Variants in ASIP observed in about 807,000 individuals in gnomAD.
The protein encoded by ASIP is agouti signaling protein, also known as agouti-signaling protein.
Under a neutral mutation model 10.3 loss-of-function variants are expected in ASIP, and 11 were observed. The ratio of observed to expected loss-of-function variants is 1.07; its 90% CI spans 0.68 to 1.78. The LOEUF (loss-of-function observed/expected upper bound fraction) is 1.78. Among genes scored for constraint, ASIP ranks in the 40% most tolerant of loss-of-function variants. The pLI is 0.00. For missense variants in ASIP, 180 were observed against 169.2 expected (o/e 1.06, Z -0.35); for synonymous variants, 70 against 70.8 (o/e 0.99, Z 0.06).
upstream of ASIP, among the ~76,000 whole-genome samples, chr20:34,193,048 T>C (rs2122526429): frequency 6.6e-6 from 1 of 152,370 alleles, no homozygotes; most frequent in African/African-American, 2.4e-5. Context: ...ATCTTATTCC[T>C]TGTATCTAAC....
chr20:34,259,551 G>A lies in ASIP; in HGVS notation c.-10-814G>A, dbSNP rs950869146. Among the ~76,000 whole-genome samples the A allele has an allele frequency of 4.3e-4, 66 of 151,848 alleles. 1 individual carries two copies. The highest frequency in any genetic ancestry group is 4.1e-4 in the Non-Finnish European group (28 of 67,962). ...AGAGTTAGAAAATATAAAATGCTTAGTCTGGCCAATGTGGTAAAATCCTGT... is the reference window on the plus strand; with the variant it reads ...AGAGTTAGAAAATATAAAATGCTTAATCTGGCCAATGTGGTAAAATCCTGT... On this transcript the variant is annotated intron_variant, in intron 1 of 3. Transcript: ENST00000374954.
At position 34,269,015 on chromosome 20, in the gene ASIP, G is replaced by C; in HGVS notation, c.247G>C (p.Val83Leu). Residue 83 changes from valine to leucine, a missense_variant, in exon 4 of 4, where the codon GTG (valine) becomes CTG (leucine). Val to Leu is a conservative substitution (Grantham distance 32). Coordinates refer to ENST00000374954, the MANE Select transcript of ASIP (RefSeq NM_001672.3). Reference protein sequence around the residue: ...SKKEASMKKVVRPRTPLSAPC... With the variant: ...SKKEASMKKVLRPRTPLSAPC... The stretch of plus-strand genomic sequence containing the variant: ...GAAGGAGGCTTCGATGAAGAAAGTG[G>C]TGCGGCCCCGGACCCCCCTATCTGC... 1 of 1,607,986 alleles carries C rather than the reference G, an allele frequency of 6.2e-7. No homozygotes were observed. The highest frequency in any genetic ancestry group is 1.1e-5 in the South Asian group (1 of 89,978).
chr20:34,253,395 C>T (rs1391108034), intron 1 of ASIP, among the ~76,000 whole-genome samples: 1 of 151,570 alleles, frequency 6.6e-6, no homozygotes, highest in African/African-American at 2.4e-5. Context: ...CGTGAGCCAC[C>T]GCGCCCAGCC....
intron 1 of ASIP, among the ~76,000 whole-genome samples, chr20:34,201,972 G>A (rs1378073964): frequency 6.6e-6 from 1 of 151,674 alleles, no homozygotes; most frequent in Non-Finnish European, 1.5e-5. Flanking sequence ...TCTGAACTTT[G>A]TTCACAGGTT....
intron 1 of ASIP, chr20:34,235,030 C>T (rs2035161003): frequency 6.6e-6 from 1 of 152,138 alleles, no homozygotes; most frequent in African/African-American, 2.4e-5. Context: ...AAGTGATTGA[C>T]CTGGAAATGA....
chr20:34,265,633 A>G (rs998682317), intron 3 of ASIP, among the ~76,000 whole-genome samples: 1 of 151,916 alleles, frequency 6.6e-6, no homozygotes, highest in African/African-American at 2.4e-5. Context: ...ATCACTTACC[A>G]TAAATAGAAG....
chr20:34,257,071 T>TC (rs1555826612), intron 1 of ASIP, among the ~76,000 whole-genome samples: 2 of 47,078 alleles, frequency 4.2e-5, no homozygotes, highest in African/African-American at 1.9e-4. Context: ...TTTCTTTCTC[T>TC]TTTTTTTTTT....
intron 1 of ASIP, among the ~76,000 whole-genome samples, chr20:34,234,032 A>AGCT (rs2035145596): frequency 6.6e-6 from 1 of 152,214 alleles, no homozygotes; most frequent in East Asian, 1.9e-4. Context: ...CTGATTCAGA[A>AGCT]ACACAGAGTC....
At chr20:34,220,665 G>A (rs1005827844) in intron 1 of ASIP, among the ~76,000 whole-genome samples, 5 of 152,066 alleles carry the variant, frequency 3.3e-5, no homozygotes, top group South Asian at 2.1e-4. Flanking sequence ...CTCAACACGG[G>A]GAATCAGGGA....
Position 34,251,039 on chromosome 20 carries a change from T to C in ASIP, c.-10-9326T>C, listed in dbSNP as rs138117612. 2.2e-3 allele frequency among the ~76,000 whole-genome samples: 341 copies of C among 152,274 alleles called. 1 individual carries two copies. The highest frequency in any genetic ancestry group is 3.9e-3 in the South Asian group (19 of 4,826). On this transcript the variant is annotated intron_variant, in intron 1 of 3. Transcript: ENST00000374954. ...TGTGCACGCACGTCAACAAGACTCC[T>C]GGGTTACATCAACCAATTGCACTGG...
At chr20:34,213,648 G>A in intron 1 of ASIP, 1 of 1,563,380 alleles carries the variant, frequency 6.4e-7, no homozygotes, top group Non-Finnish European at 8.8e-7. Flanking sequence ...TGAACTCCTG[G>A]AGGTCTTTTG....
chr20:34,188,364 T>C, the ASIP span, among the ~76,000 whole-genome samples: 1 of 152,184 alleles, frequency 6.6e-6, no homozygotes, highest in African/African-American at 2.4e-5. Flanking sequence ...AAACAGAAGA[T>C]GACTTTAGGC....
intron 1 of ASIP, among the ~76,000 whole-genome samples, chr20:34,197,151 G>A (rs187822780): frequency 1.1e-4 from 17 of 152,212 alleles, no homozygotes; most frequent in South Asian, 4.1e-4. Flanking sequence ...GAGGCAGGTG[G>A]ATCACGAGGT....
intron 2 of ASIP, among the ~76,000 whole-genome samples, chr20:34,260,912 G>A (rs1465567106): frequency 1.3e-5 from 2 of 152,174 alleles, no homozygotes; most frequent in African/African-American, 4.8e-5. Context: ...TGTCAGGGTT[G>A]GGAATGAAGG....
intron 1 of ASIP, among the ~76,000 whole-genome samples, chr20:34,227,023 A>T (rs2035097777): frequency 6.6e-6 from 1 of 152,244 alleles, no homozygotes; most frequent in South Asian, 2.1e-4. Flanking sequence ...AGGAATAAAA[A>T]ACAATAAGCT....
chr20:34,247,245 A>G (rs2035392164), intron 1 of ASIP, among the ~76,000 whole-genome samples: 1 of 150,690 alleles, frequency 6.6e-6, no homozygotes, highest in South Asian at 2.1e-4. Flanking sequence ...ATGGTCCTCA[A>G]TTGAAACAGG....
intron 1 of ASIP, among the ~76,000 whole-genome samples, chr20:34,253,972 T>C (rs1469841526): frequency 3.3e-5 from 5 of 152,212 alleles, no homozygotes; most frequent in African/African-American, 9.6e-5. Flanking sequence ...ATAACAGTCT[T>C]CATCATTGCA....
intron 1 of ASIP, among the ~76,000 whole-genome samples, chr20:34,200,163 T>C (rs1300411609): frequency 6.6e-6 from 1 of 152,222 alleles, no homozygotes; most frequent in Non-Finnish European, 1.5e-5. Context: ...ATTCTTCAGA[T>C]GTTTGGCTCT....
At chr20:34,254,989 C>A (rs1161672453) in intron 1 of ASIP, among the ~76,000 whole-genome samples, 2 of 152,238 alleles carry the variant, frequency 1.3e-5, no homozygotes, top group East Asian at 3.9e-4. Context: ...TAAACTAACC[C>A]CTAGGATTCA....
Sources: allele counts gnomAD v4.1 joint callset (sites outside exome capture counted in the v4.1 genomes callset), GRCh38; gene constraint gnomAD v4.1.1; transcripts MANE v1.5; gene names NCBI Gene and HGNC (gene_info 2026-07-23, HGNC 2026-07-21).